The following PPP3R1 variants were observed in gnomAD, a reference collection of about 807,000 sequenced individuals.
The protein encoded by PPP3R1 is calcineurin subunit B type 1.
PPP3R1 carries 5 observed loss-of-function variants against 22.6 expected under a neutral mutation model. That is an observed-to-expected ratio of 0.22 (90% CI 0.12 to 0.46). PPP3R1 has a LOEUF of 0.46. Ranked by LOEUF, PPP3R1 falls within the 20% of genes least tolerant of loss-of-function variation. The pLI, the probability that PPP3R1 is intolerant of heterozygous loss-of-function variation, is 0.99. For missense variants in PPP3R1, 61 were observed against 203.2 expected (o/e 0.30, Z 4.25); for synonymous variants, 56 against 65.2 (o/e 0.86, Z 0.68).
At chr2:68,247,844 T>C (rs905141974) in intron 1 of PPP3R1, among the ~76,000 whole-genome samples, 1 of 152,210 alleles carries the variant, frequency 6.6e-6, no homozygotes, top group Non-Finnish European at 1.5e-5. Context: ...ATCTGCATTG[T>C]TACTGTATTC....
chr2:68,235,206 C>T (rs771603897), intron 1 of PPP3R1, among the ~76,000 whole-genome samples: 5 of 152,122 alleles, frequency 3.3e-5, no homozygotes, highest in Non-Finnish European at 7.4e-5. Context: ...GTTTTATTAC[C>T]GCTTTATTGA....
intron 1 of PPP3R1, 92 bp downstream of exon 1, chr2:68,252,033 G>C: frequency 2.4e-6 from 3 of 1,252,308 alleles, no homozygotes; most frequent in Non-Finnish European, 3.1e-6. Flanking sequence ...ACGGGGGACA[G>C]CCGACCGGGG....
chr2:68,222,080 GAT>G (rs1047405187), intron 1 of PPP3R1, among the ~76,000 whole-genome samples: 5 of 151,982 alleles, frequency 3.3e-5, no homozygotes, highest in Admixed American at 6.6e-5. Flanking sequence ...TAAAATAAAA[GAT>G]ATTTTTCTCA....
chr2:68,184,167 G>A (rs774197967), intron 5 of PPP3R1, among the ~76,000 whole-genome samples: 1 of 152,192 alleles, frequency 6.6e-6, no homozygotes, highest in African/African-American at 2.4e-5. Flanking sequence ...TAGGGAAGGC[G>A]ATCTTGTGTG....
intron 1 of PPP3R1, among the ~76,000 whole-genome samples, chr2:68,232,377 G>C (rs565014655): frequency 6.8e-6 from 1 of 147,618 alleles, no homozygotes; most frequent in East Asian, 2.0e-4. Context: ...GGAGGTGGAG[G>C]TTGCAGTGAG....
intron 2 of PPP3R1, among the ~76,000 whole-genome samples, chr2:68,198,995 G>C (rs1674899548): frequency 6.6e-6 from 1 of 151,874 alleles, no homozygotes; most frequent in Non-Finnish European, 1.5e-5. Flanking sequence ...ATGGAGTTTT[G>C]CTCTGTCACC....
At chr2:68,182,572 T>C (rs1364702986) in intron 5 of PPP3R1, among the ~76,000 whole-genome samples, 2 of 151,672 alleles carry the variant, frequency 1.3e-5, no homozygotes, top group East Asian at 1.9e-4. Flanking sequence ...TCCCAGCACT[T>C]TGGGAGGCTG....
chr2:68,225,651 T>C (rs1311550710), intron 1 of PPP3R1, among the ~76,000 whole-genome samples: 1 of 152,250 alleles, frequency 6.6e-6, no homozygotes, highest in Non-Finnish European at 1.5e-5. Flanking sequence ...ACTATGTTTA[T>C]GGGAATTTGT....
At chr2:68,182,236 CA>C (rs1674429247) in intron 5 of PPP3R1, among the ~76,000 whole-genome samples, 1 of 151,910 alleles carries the variant, frequency 6.6e-6, no homozygotes, top group Non-Finnish European at 1.5e-5. Context: ...TTTTTAAATT[CA>C]AACTAAAAAA....
intron 2 of PPP3R1, among the ~76,000 whole-genome samples, chr2:68,190,126 T>C (rs1399971341): frequency 1.3e-5 from 2 of 151,042 alleles, no homozygotes; most frequent in Admixed American, 6.6e-5. Flanking sequence ...AGCTACAAGA[T>C]GGTGTTCTAA....
chr2:68,186,441 C>T (rs202221677), intron 5 of PPP3R1, 27 bp downstream of exon 5: 214 of 1,560,490 alleles, frequency 1.4e-4, no homozygotes, highest in Middle Eastern at 1.0e-3. Flanking sequence ...ACATAACTAA[C>T]GGAAGAACCA....
intron 2 of PPP3R1, among the ~76,000 whole-genome samples, chr2:68,202,791 A>ATTT (rs1558632604): frequency 1.5e-4 from 14 of 93,550 alleles, no homozygotes; most frequent in East Asian, 3.1e-4. Flanking sequence ...GAGTTCAGGG[A>ATTT]ATTTTTTTTT....
At chr2:68,223,889 A>T (rs2103781359) in intron 1 of PPP3R1, among the ~76,000 whole-genome samples, 1 of 152,268 alleles carries the variant, frequency 6.6e-6, no homozygotes, top group Non-Finnish European at 1.5e-5. Context: ...GTGTATGTAC[A>T]TAAATCCTAA....
At chr2:68,229,952 G>A (rs1317131280) in intron 1 of PPP3R1, among the ~76,000 whole-genome samples, 1 of 131,270 alleles carries the variant, frequency 7.6e-6, no homozygotes, top group African/African-American at 2.8e-5. Context: ...GTATATATGT[G>A]TGTGTGTATA....
chr2:68,203,633 A>G (rs1675034611), intron 2 of PPP3R1, among the ~76,000 whole-genome samples: 1 of 152,118 alleles, frequency 6.6e-6, no homozygotes, highest in South Asian at 2.1e-4. Context: ...TGAAAGAGGA[A>G]ATCAAATTAA....
intron 2 of PPP3R1, among the ~76,000 whole-genome samples, chr2:68,193,832 G>A (rs1191337176): frequency 1.3e-5 from 2 of 152,072 alleles, no homozygotes; most frequent in Admixed American, 1.3e-4. Flanking sequence ...TATATTTATA[G>A]AAGATCTGCA....
chr2:68,243,503 C>T (rs575576995), intron 1 of PPP3R1, among the ~76,000 whole-genome samples: 2 of 152,048 alleles, frequency 1.3e-5, no homozygotes, highest in East Asian at 1.9e-4. Context: ...TTAAAAAAGA[C>T]GCTTTATCCA....
At chr2:68,196,069 ATC>A (rs1674765003) in intron 2 of PPP3R1, among the ~76,000 whole-genome samples, 1 of 152,138 alleles carries the variant, frequency 6.6e-6, no homozygotes, top group Middle Eastern at 3.2e-3. Context: ...GGATCCCGGA[ATC>A]TCTATCTTAG....
chr2:68,242,367 G>A (rs1341554041), intron 1 of PPP3R1, among the ~76,000 whole-genome samples: 6 of 151,846 alleles, frequency 4.0e-5, no homozygotes, highest in Admixed American at 2.0e-4. Context: ...CTGAAGTAGC[G>A]GTGAGCCAAG....
Sources: allele counts gnomAD v4.1 joint callset (sites outside exome capture counted in the v4.1 genomes callset), GRCh38; gene constraint gnomAD v4.1.1; transcripts MANE v1.5; gene names NCBI Gene and HGNC (gene_info 2026-07-23, HGNC 2026-07-21).